HUWE1: variants seen among roughly 807,000 people sequenced by gnomAD.
HUWE1 encodes the protein E3 ubiquitin-protein ligase HUWE1.
Under a neutral mutation model 299.4 loss-of-function variants are expected in HUWE1, and 18 were observed. That is an observed-to-expected ratio of 0.06 (90% CI 0.04 to 0.09). HUWE1 has a LOEUF of 0.09. HUWE1 is among the 10% of genes least tolerant of loss of function. The probability of loss-of-function intolerance (pLI) is 1.00; values close to 1 mark genes in which losing one functional copy is unlikely to be tolerated. For missense variants in HUWE1, 1,832 were observed against 3,462.3 expected, an observed-to-expected ratio of 0.53 and a Z score of 11.82; for synonymous variants, 1,317 against 1,286.1, an observed-to-expected ratio of 1.02 and a Z score of -0.51.
chrX:53,534,946 T>G lies in HUWE1; in HGVS notation c.12650-249A>C, dbSNP rs75410471. On this transcript the variant is annotated intron_variant, in intron 81 of 83. Coordinates refer to ENST00000262854, the MANE Select transcript of HUWE1 (RefSeq NM_031407.7). ...CAGTGAAGTTAAGCTGGGTTTGTTTTTTTTTTTTGAGATGGAGTCTCACTC... is the reference window on the plus strand; with the variant it reads ...CAGTGAAGTTAAGCTGGGTTTGTTTGTTTTTTTTGAGATGGAGTCTCACTC... 1.8e-3 allele frequency among the ~76,000 whole-genome samples: 200 copies of G among 108,949 alleles called. 3 individuals are homozygous for G. In the East Asian group the frequency reaches 0.048, roughly 26 times the overall value. The allele number at this position is 108,949 out of a possible 115,157, so 94.6% of individuals were successfully genotyped here. A position where few individuals can be genotyped will look rare whatever the true frequency, so the allele number is the denominator to read the frequency against.
intron 19 of HUWE1, among the ~76,000 whole-genome samples, chrX:53,619,590 G>GAAAAAA (rs35685121): frequency 2.4e-5 from 1 of 41,155 alleles, no homozygotes; most frequent in African/African-American, 8.1e-5. Flanking sequence ...AGAAATAGAA[G>GAAAAAA]AAAAAAAAAA....
intron 3 of HUWE1, among the ~76,000 whole-genome samples, chrX:53,670,373 G>A (rs1557048939): frequency 9.0e-6 from 1 of 111,397 alleles, no homozygotes; most frequent in East Asian, 2.8e-4. Context: ...TAGGTAACCT[G>A]GGTTTGATGC....
chrX:53,533,146 A>ACAGGTATGC lies in HUWE1; in HGVS notation c.*154_*162dup, dbSNP rs1344788931. 6.5e-6 allele frequency: 3 copies of ACAGGTATGC among 459,477 alleles called. No homozygotes were observed. The highest frequency in any genetic ancestry group is 1.2e-5 in the Non-Finnish European group (3 of 255,339). The allele number at this position is 459,477 out of a possible 1,213,427, so 37.9% of individuals were successfully genotyped here. On this transcript the variant is annotated 3_prime_UTR_variant, in exon 84 of 84. Transcript: ENST00000262854. ...CGGCGGGGAGAGAATGAGAAGAGGA[A>ACAGGTATGC]CAGGTATGCGCTGGGGAAGATGGGG... is the stretch of plus-strand genomic sequence containing the variant.
At chrX:53,551,922 G>C (rs1488282844) in intron 63 of HUWE1, among the ~76,000 whole-genome samples, 1 of 111,623 alleles carries the variant, frequency 9.0e-6, no homozygotes, top group Non-Finnish European at 1.9e-5. Flanking sequence ...ATGGGACACA[G>C]AGAAGGCCCA....
Position 53,566,133 on chromosome X carries a change from G to GTGTGTATATATATATATA in HUWE1, c.6708-895_6708-894insTATATATATATATACACA, listed in dbSNP as rs782815282. Among the ~76,000 whole-genome samples the GTGTGTATATATATATATA allele has an allele frequency of 7.2e-4, 28 of 38,965 alleles. 1 individual carries two copies. Among genetic ancestry groups the GTGTGTATATATATATATA allele is most frequent in the African/African-American group, 2.7e-3 (28 of 10,338 alleles). The allele number at this position is 38,965 out of a possible 115,157, so 33.8% of individuals were successfully genotyped here. Reference sequence around the variant, plus strand: ...TATGTATGTATGTGTGTGTGTGTGTGTATATATATATATATATATATATAT... The same window carrying GTGTGTATATATATATATA: ...TATGTATGTATGTGTGTGTGTGTGTGTGTGTATATATATATATATATATATATATATATATATATATAT... On this transcript the variant is annotated intron_variant, in intron 49 of 83. Transcript: ENST00000262854.
At position 53,585,194 on chromosome X, in the gene HUWE1, C is replaced by T. The variant is rs1556972158; in HGVS notation, c.4825-6G>A. The T allele has an allele frequency of 8.3e-7, 1 of 1,208,133 alleles. No homozygotes were observed. The highest frequency in any genetic ancestry group is 3.0e-5 in the East Asian group (1 of 33,805). The stretch of plus-strand genomic sequence containing the variant: ...TTGCTGTTGGATTGCAGGTACTAAA[C>T]ATAAAAGTACAAAGTTTCTTTGTAT... On this transcript the variant is annotated splice_polypyrimidine_tract_variant and splice_region_variant and intron_variant, in intron 39 of 83. Coordinates refer to ENST00000262854, the MANE Select transcript of HUWE1 (RefSeq NM_031407.7).
intron 32 of HUWE1, 134 bp downstream of exon 32, chrX:53,593,230 G>T (rs782330915): frequency 9.9e-6 from 5 of 507,248 alleles, no homozygotes; most frequent in South Asian, 8.9e-5. Context: ...ATTCCCTTAC[G>T]TAAGGCAGCC....
At chrX:53,651,372 T>A (rs1557040040) in intron 4 of HUWE1, among the ~76,000 whole-genome samples, 4 of 111,162 alleles carry the variant, frequency 3.6e-5, no homozygotes, top group African/African-American at 1.3e-4. Flanking sequence ...GTAACAAATT[T>A]TTAAGTAGAG....
Position 53,594,755 on chromosome X carries a change from T to C in HUWE1, c.3381-134A>G, listed in dbSNP as rs2064363092. On this transcript the variant is annotated intron_variant, in intron 30 of 83. Transcript: ENST00000262854. ...CTCCCACCTACTAAAGAATACAGGA[T>C]GAGTATCCCTATCAGAAAATTCAAA... 6.6e-6 allele frequency: 4 copies of C among 605,692 alleles called. No homozygotes were observed. In the East Asian group the frequency reaches 1.4e-4, roughly 22 times the overall value. 49.9% of individuals were successfully genotyped at this position (605,692 alleles called of 1,213,427 possible).
intron 7 of HUWE1, among the ~76,000 whole-genome samples, chrX:53,641,419 T>C (rs1414204066): frequency 8.9e-6 from 1 of 112,111 alleles, no homozygotes; most frequent in Non-Finnish European, 1.9e-5. Context: ...ATTTGACTGA[T>C]TTAAATGAGA....
rs1314907482 is a variant in HUWE1 at position 53,686,655 on chromosome X, T to TCCAGCCC, written c.-330_-329insGGGCTGG. Reference sequence around the variant, plus strand: ...GTCCGCGGCCCTGCTTCAGCCCTGCTTCAGCCCTGCTCCAGCCCTGCTCCA... The same window carrying TCCAGCCC: ...GTCCGCGGCCCTGCTTCAGCCCTGCTCCAGCCCTCAGCCCTGCTCCAGCCCTGCTCCA... On this transcript the variant is annotated 5_prime_UTR_variant, in exon 1 of 84. Coordinates refer to ENST00000262854, the MANE Select transcript of HUWE1 (RefSeq NM_031407.7). 0.058 allele frequency: 6,841 copies of TCCAGCCC among 118,922 alleles called. 275 individuals carry two copies. The highest frequency in any genetic ancestry group is 0.1 in the Admixed American group (1,093 of 10,502). 9.8% of individuals were successfully genotyped at this position (118,922 alleles called of 1,213,427 possible).
In HUWE1 at chrX:53,589,596, C is replaced by T; in HGVS notation, c.4412G>A (p.Arg1471His). ...VCDLIMTAIKRNGADYRDMIL... is the reference protein window; with the variant it reads ...VCDLIMTAIKHNGADYRDMIL... ...CATGTCACGATAATCTGCTCCATTA[C>T]GTTTGATTGCTGTCATGATCAGGTC... Residue 1471 changes from arginine (R) to histidine (H), a missense_variant, in exon 36 of 84, where the codon CGT becomes CAT. By Grantham distance (29) the Arg-to-His change is conservative. This residue lies in a region of HUWE1 where 658 missense variants were observed against 1,282.6 expected (regional missense o/e 0.51). Transcript: ENST00000262854. 2.5e-6 allele frequency: 3 copies of T among 1,210,755 alleles called. No homozygotes were observed. The highest frequency in any genetic ancestry group is 3.4e-6 in the Non-Finnish European group (3 of 894,760).
chrX:53,543,783 A>T, intron 73 of HUWE1, 58 bp downstream of exon 73: 1 of 1,205,994 alleles, frequency 8.3e-7, no homozygotes. Context: ...CACTGATGAC[A>T]TGGTGGGGGG....
intron 56 of HUWE1, 118 bp from the exon 57 acceptor site, chrX:53,559,650 G>T: frequency 4.8e-6 from 3 of 629,117 alleles, no homozygotes; most frequent in Non-Finnish European, 7.7e-6. Context: ...TTATAAACCT[G>T]ATGATGTGCA....
At chrX:53,586,244 T>A (rs782466074) in intron 39 of HUWE1, among the ~76,000 whole-genome samples, 3 of 111,986 alleles carry the variant, frequency 2.7e-5, no homozygotes, top group Non-Finnish European at 5.6e-5. Context: ...TTTGGTAGGA[T>A]TGCTGTATAC....
At chrX:53,647,674 C>G in intron 5 of HUWE1, 100 bp from the exon 6 acceptor site, 1 of 641,323 alleles carries the variant, frequency 1.6e-6, no homozygotes, top group Non-Finnish European at 2.6e-6. Flanking sequence ...GAGCATGACA[C>G]CTAGACAAGT....
At chrX:53,559,904 T>C in intron 56 of HUWE1, among the ~76,000 whole-genome samples, 1 of 112,302 alleles carries the variant, frequency 8.9e-6, no homozygotes, top group Middle Eastern at 4.6e-3. Flanking sequence ...AGGGCAGGGA[T>C]CTTGTCCCGT....
chrX:53,625,356 A>T (rs1427906864), intron 17 of HUWE1, 98 bp from the exon 18 acceptor site: 3 of 556,341 alleles, frequency 5.4e-6, no homozygotes, highest in Non-Finnish European at 9.7e-6. Context: ...CAAATACACT[A>T]TAATAAAATT....
intron 3 of HUWE1, among the ~76,000 whole-genome samples, chrX:53,675,457 T>C (rs1165310813): frequency 9.0e-6 from 1 of 111,552 alleles, no homozygotes; most frequent in Non-Finnish European, 1.9e-5. Context: ...GGCTATATCA[T>C]GCATAGACAG....
Sources: allele counts gnomAD v4.1 joint callset (sites outside exome capture counted in the v4.1 genomes callset), GRCh38; gene constraint gnomAD v4.1.1; regional missense constraint gnomAD v4.1.1; transcripts MANE v1.5; gene names NCBI Gene and HGNC (gene_info 2026-07-23, HGNC 2026-07-21).